Variants in LEPROTL1 observed in about 807,000 individuals in gnomAD.
LEPROTL1 encodes leptin receptor overlapping transcript-like 1.
Under a neutral mutation model 15.4 loss-of-function variants are expected in LEPROTL1, and 6 were observed. The ratio of observed to expected loss-of-function variants is 0.39; its 90% CI spans 0.21 to 0.77. LEPROTL1 has a LOEUF of 0.77. Ranked by LOEUF, LEPROTL1 falls within the 30% of genes least tolerant of loss-of-function variation. LEPROTL1 has a pLI of 0.41. For synonymous variants in LEPROTL1, 56 were observed against 52.6 expected, an observed-to-expected ratio of 1.06 and a Z score of -0.28; for missense variants, 128 against 158.1, an observed-to-expected ratio of 0.81 and a Z score of 1.02.
At chr8:30,113,428 A>G (rs1802684807), downstream of LEPROTL1, among the ~76,000 whole-genome samples, 1 of 152,194 alleles carries the variant, frequency 6.6e-6, no homozygotes, top group Admixed American at 6.5e-5. Flanking sequence ...TGCTGCTAGC[A>G]AGCGTGGGAG....
chr8:30,114,651 A>G (rs889155095), intron 3 of LEPROTL1, among the ~76,000 whole-genome samples: 1 of 152,244 alleles, frequency 6.6e-6, no homozygotes, highest in African/African-American at 2.4e-5. Flanking sequence ...CATTTATTCG[A>G]GTTGGAAAAC....
chr8:30,132,591 C>G, intron 4 of LEPROTL1: 1 of 1,551,774 alleles, frequency 6.4e-7, no homozygotes, highest in South Asian at 1.2e-5. Flanking sequence ...TGCTCACTGC[C>G]ACGTTTAGGC....
Position 30,106,367 on chromosome 8 carries a change from G to A in LEPROTL1, c.*505G>A. ...ATGTTATGCAGACATACAGACGGTT[G>A]GCATACGTTATAGACTGTATACTCA... On this transcript the variant is annotated 3_prime_UTR_variant, in exon 4 of 4. Coordinates refer to ENST00000321250, the MANE Select transcript of LEPROTL1 (RefSeq NM_015344.3). 1 of 986,226 alleles carries A rather than the reference G, an allele frequency of 1.0e-6. No individual in the cohort carries two copies. Among genetic ancestry groups the A allele is most frequent in the Non-Finnish European group, 1.2e-6 (1 of 830,256 alleles). The allele number at this position is 986,226 out of a possible 1,614,324, so 61.1% of individuals were successfully genotyped here.
At chr8:30,112,654 A>C (rs1055019792), downstream of LEPROTL1, among the ~76,000 whole-genome samples, 1 of 151,656 alleles carries the variant, frequency 6.6e-6, no homozygotes, top group African/African-American at 2.4e-5. Context: ...AGACCACCCA[A>C]CTTCTAGCTC....
intron 3 of LEPROTL1, among the ~76,000 whole-genome samples, chr8:30,120,510 A>C (rs928036938): frequency 6.6e-6 from 1 of 152,202 alleles, no homozygotes; most frequent in Admixed American, 6.6e-5. Flanking sequence ...AACAAAATAC[A>C]TAACATGAAA....
chr8:30,102,431 G>A (rs1276872858), intron 2 of LEPROTL1, among the ~76,000 whole-genome samples: 1 of 152,008 alleles, frequency 6.6e-6, no homozygotes, highest in Non-Finnish European at 1.5e-5. Flanking sequence ...CGGGAGGATT[G>A]CCTGAGGTCA....
exon 4 of LEPROTL1, chr8:30,132,391 T>G: frequency 1.9e-6 from 3 of 1,551,728 alleles, no homozygotes; most frequent in Middle Eastern, 1.7e-4. Context: ...GATGTCTGCA[T>G]CGGGGACATA....
intron 3 of LEPROTL1, among the ~76,000 whole-genome samples, chr8:30,118,235 G>C (rs913792294): frequency 6.6e-6 from 1 of 151,920 alleles, no homozygotes; most frequent in Non-Finnish European, 1.5e-5. Flanking sequence ...GGCTGGTCTC[G>C]AATTCCTGAC....
exon 5 of LEPROTL1, chr8:30,137,419 G>A: frequency 6.4e-7 from 1 of 1,551,700 alleles, no homozygotes; most frequent in Non-Finnish European, 8.7e-7. Flanking sequence ...GCTGAGGCTG[G>A]CAGACAGTGC....
chr8:30,134,317 G>A (rs1218268201), intron 4 of LEPROTL1, among the ~76,000 whole-genome samples: 1 of 152,002 alleles, frequency 6.6e-6, no homozygotes, highest in African/African-American at 2.4e-5. Flanking sequence ...TAGCTACTCG[G>A]GAGGCTGAGG....
chr8:30,113,809 G>C (rs1407634349), intron 3 of LEPROTL1, among the ~76,000 whole-genome samples: 2 of 152,104 alleles, frequency 1.3e-5, no homozygotes, highest in Non-Finnish European at 2.9e-5. Context: ...CAGCCAGGGG[G>C]TCTCCATGCA....
intron 3 of LEPROTL1, chr8:30,117,572 C>T (rs1585472668): frequency 7.2e-7 from 1 of 1,391,728 alleles, no homozygotes; most frequent in Non-Finnish European, 1.0e-6. Flanking sequence ...ACTTGTTTAG[C>T]CTGTCTGTGA....
rs1802524559 is a variant in LEPROTL1, at chr8:30,104,438, TGTC to T, written c.234_236del (p.Val79del). Reference sequence around the variant, plus strand: ...TTGCCATCTTTCTTACAACGGGCATTGTCGTGTCAGCTTTTGGACTCCCTATTG... The same window carrying T: ...TTGCCATCTTTCTTACAACGGGCATTGTGTCAGCTTTTGGACTCCCTATTG... On this transcript the variant is annotated inframe_deletion, in exon 3 of 4. Transcript: ENST00000321250. 1.2e-6 allele frequency: 2 copies of T among 1,612,478 alleles called. No individual in the cohort carries two copies. The highest frequency in any genetic ancestry group is 1.3e-5 in the African/African-American group (1 of 74,866).
chr8:30,123,360 A>C (rs1802859300), intron 3 of LEPROTL1, among the ~76,000 whole-genome samples: 1 of 152,212 alleles, frequency 6.6e-6, no homozygotes, highest in Non-Finnish European at 1.5e-5. Flanking sequence ...ACATTGTAAG[A>C]AAAGCATATG....
chr8:30,121,242 T>C (rs1802824978), intron 3 of LEPROTL1, among the ~76,000 whole-genome samples: 2 of 151,708 alleles, frequency 1.3e-5, no homozygotes, highest in Non-Finnish European at 2.9e-5. Flanking sequence ...GGTTTTGTTT[T>C]TGTTTTTGTT....
Position 30,132,619 on chromosome 8 carries a change from T to C in LEPROTL1, c.394+130T>C, listed in dbSNP as rs142899151. ...GTTTAGGCATTCTAGTCCAAGAATCTGCAGACCCCTCCAGCTCAGAGCCCA... is the reference window on the plus strand; with the variant it reads ...GTTTAGGCATTCTAGTCCAAGAATCCGCAGACCCCTCCAGCTCAGAGCCCA... On this transcript the variant is annotated intron_variant, in intron 4 of 4. Coordinates refer to the LEPROTL1 transcript ENST00000442880. 1.5e-5 allele frequency: 23 copies of C among 1,551,660 alleles called. No homozygotes were observed. The African/African-American group carries it at 2.6e-4, about 18-fold the overall frequency.
At chr8:30,095,936 G>A in intron 1 of LEPROTL1, 1 of 691,026 alleles carries the variant, frequency 1.4e-6, no homozygotes. Flanking sequence ...AGAGATGCCA[G>A]CTATGGAAAA....
At chr8:30,122,365 C>G (rs1246798136) in intron 3 of LEPROTL1, among the ~76,000 whole-genome samples, 1 of 152,186 alleles carries the variant, frequency 6.6e-6, no homozygotes, top group Non-Finnish European at 1.5e-5. Context: ...AGGCTAGTCT[C>G]AAACTCCTGT....
In LEPROTL1 at chr8:30,106,333, T is replaced by G; in HGVS notation, c.*471T>G. 1.0e-6 allele frequency: 1 copy of G among 986,928 alleles called. No homozygotes were observed. The highest frequency in any genetic ancestry group is 1.2e-6 in the Non-Finnish European group (1 of 830,614). The allele number at this position is 986,928 out of a possible 1,614,324, so 61.1% of individuals were successfully genotyped here. On this transcript the variant is annotated 3_prime_UTR_variant, in exon 4 of 4. Transcript: ENST00000321250. ...AAGTTTTCAGTCAGTCAGGATGACA[T>G]CACTCCCAATGTTATGCAGACATAC... is the stretch of plus-strand genomic sequence containing the variant.
Sources: allele counts gnomAD v4.1 joint callset (sites outside exome capture counted in the v4.1 genomes callset), GRCh38; gene constraint gnomAD v4.1.1; transcripts MANE v1.5; gene names NCBI Gene and HGNC (gene_info 2026-07-23, HGNC 2026-07-21).